The following PDE4D variants were observed in gnomAD, a reference collection of about 807,000 sequenced individuals.
PDE4D encodes phosphodiesterase 4D.
A neutral mutation model predicts 87.4 loss-of-function variants in PDE4D; 24 were observed. The observed-to-expected ratio is 0.27, with a 90% CI of 0.20 to 0.39. PDE4D has a LOEUF of 0.39. Among genes scored for constraint, PDE4D ranks in the 10% least tolerant of loss-of-function variants. PDE4D has a pLI of 1.00. For missense variants in PDE4D, 714 were observed against 1,041.0 expected (o/e 0.69, Z 4.32); for synonymous variants, 384 against 383.2 (o/e 1.00, Z -0.02).
intron 1 of PDE4D, among the ~76,000 whole-genome samples, chr5:60,506,279 A>G (rs986230434): frequency 1.3e-5 from 2 of 152,254 alleles, no homozygotes; most frequent in African/African-American, 4.8e-5. Context: ...GCATACATGC[A>G]CACGTGAATA....
intron 5 of PDE4D, among the ~76,000 whole-genome samples, chr5:59,168,958 A>G (rs1371450166): frequency 2.0e-5 from 3 of 152,220 alleles, no homozygotes; most frequent in Non-Finnish European, 4.4e-5. Flanking sequence ...AAGGTTTAAA[A>G]AGATTACTCA....
At chr5:59,878,931 C>G (rs10066777) in intron 1 of PDE4D, among the ~76,000 whole-genome samples, 24,409 of 120,502 alleles carry the variant, frequency 0.2, 4,131 homozygotes, top group African/African-American at 0.48. Flanking sequence ...CAGAGTCTCG[C>G]TCTGTCGCCC....
chr5:59,865,491 T>C (rs1746881888), intron 1 of PDE4D, among the ~76,000 whole-genome samples: 3 of 152,194 alleles, frequency 2.0e-5, no homozygotes, highest in African/African-American at 7.2e-5. Context: ...CAGCCTTTTG[T>C]AGAGCCAAGA....
chr5:59,768,937 G>A (rs1403360791), intron 1 of PDE4D, among the ~76,000 whole-genome samples: 6 of 152,156 alleles, frequency 3.9e-5, no homozygotes, highest in East Asian at 1.9e-4. Flanking sequence ...GGGTTGTTTG[G>A]CTAGTCTTTC....
At chr5:60,410,655 A>G (rs1741969389) in intron 1 of PDE4D, among the ~76,000 whole-genome samples, 1 of 152,218 alleles carries the variant, frequency 6.6e-6, no homozygotes, top group East Asian at 1.9e-4. Context: ...CAGCAACCAC[A>G]CAAAGCAGAC....
intron 1 of PDE4D, among the ~76,000 whole-genome samples, chr5:59,285,164 T>C (rs181523205): frequency 0.082 from 11,520 of 140,074 alleles, 606 homozygotes; most frequent in Middle Eastern, 0.12. Flanking sequence ...TATACATATG[T>C]AACTAACCTG....
At chr5:59,371,736 A>C (rs1378317172) in intron 1 of PDE4D, among the ~76,000 whole-genome samples, 1 of 152,244 alleles carries the variant, frequency 6.6e-6, no homozygotes, top group Non-Finnish European at 1.5e-5. Context: ...GTATGAATAT[A>C]CTATAGGTTA....
intron 1 of PDE4D, among the ~76,000 whole-genome samples, chr5:59,883,292 C>G (rs1229754512): frequency 6.6e-6 from 1 of 152,170 alleles, no homozygotes; most frequent in East Asian, 1.9e-4. Context: ...CATACAGCAT[C>G]CAAATCAAAT....
rs71604798 is a variant in PDE4D, at chr5:59,702,869, CAAAAA to C, written c.455+190294_455+190298del. Reference sequence around the variant, plus strand: ...TGGGCAACAGAGTGAGACCCTGTCTCAAAAAAAAAAAAAAAAAAAAAAATTAGACC... The same window carrying C: ...TGGGCAACAGAGTGAGACCCTGTCTCAAAAAAAAAAAAAAAAAATTAGACC... On this transcript the variant is annotated intron_variant, in intron 1 of 14. Coordinates refer to ENST00000340635, the MANE Select transcript of PDE4D (RefSeq NM_001104631.2). Among the ~76,000 whole-genome samples, 326 of 69,822 alleles carry C rather than the reference CAAAAA, an allele frequency of 4.7e-3. 3 individuals carry two copies. Among genetic ancestry groups the C allele is most frequent in the African/African-American group, 0.017 (283 of 16,394 alleles). 45.8% of individuals were successfully genotyped at this position (69,822 alleles called of 152,430 possible). A position where few individuals can be genotyped will look rare whatever the true frequency, so the allele number is the denominator to read the frequency against.
intron 5 of PDE4D, among the ~76,000 whole-genome samples, chr5:59,140,488 T>G (rs1322719773): frequency 6.6e-6 from 1 of 152,196 alleles, no homozygotes; most frequent in African/African-American, 2.4e-5. Flanking sequence ...AATGCCTCTT[T>G]GGGTTGGAAA....
At chr5:60,238,774 A>C (rs1201612099) in intron 1 of PDE4D, among the ~76,000 whole-genome samples, 1 of 151,990 alleles carries the variant, frequency 6.6e-6, no homozygotes, top group African/African-American at 2.4e-5. Context: ...TATACTATAA[A>C]TATCTCCTAT....
intron 1 of PDE4D, among the ~76,000 whole-genome samples, chr5:59,891,500 A>ACATC (rs1385397871): frequency 6.6e-6 from 1 of 152,226 alleles, no homozygotes; most frequent in Non-Finnish European, 1.5e-5. Flanking sequence ...AGAGAGAAGG[A>ACATC]CATCCACCTC....
chr5:59,211,915 G>C (rs1033777281), intron 2 of PDE4D, among the ~76,000 whole-genome samples: 1 of 151,984 alleles, frequency 6.6e-6, no homozygotes, highest in Admixed American at 6.6e-5. Context: ...AACTTAAAGA[G>C]TATTTAAAGG....
intron 1 of PDE4D, among the ~76,000 whole-genome samples, chr5:59,790,800 G>A (rs891739929): frequency 6.6e-6 from 1 of 152,142 alleles, no homozygotes; most frequent in African/African-American, 2.4e-5. Context: ...ACCCTAATAT[G>A]AAAATGTGTT....
intron 3 of PDE4D, among the ~76,000 whole-genome samples, chr5:59,947,679 C>A (rs191244126): frequency 6.6e-6 from 1 of 152,138 alleles, no homozygotes; most frequent in African/African-American, 2.4e-5. Flanking sequence ...TAAGAGGAAG[C>A]TTGTTTAGGC....
intron 1 of PDE4D, among the ~76,000 whole-genome samples, chr5:59,459,505 G>A (rs1800431584): frequency 1.3e-5 from 2 of 152,166 alleles, no homozygotes; most frequent in African/African-American, 4.8e-5. Context: ...GCTGGGGCCA[G>A]GTATCAGTAT....
chr5:59,007,577 ACTTT>A (rs1224699972), intron 6 of PDE4D, among the ~76,000 whole-genome samples: 1 of 152,126 alleles, frequency 6.6e-6, no homozygotes, highest in Non-Finnish European at 1.5e-5. Context: ...TAAAAACTAT[ACTTT>A]CTTTGATTAA....
At chr5:59,747,675 C>T (rs1038851694) in intron 1 of PDE4D, among the ~76,000 whole-genome samples, 2 of 152,176 alleles carry the variant, frequency 1.3e-5, no homozygotes, top group African/African-American at 4.8e-5. Flanking sequence ...TTAAGAGACA[C>T]TTTTCATACA....
At chr5:59,745,773 T>A (rs769137409) in intron 1 of PDE4D, among the ~76,000 whole-genome samples, 1 of 151,604 alleles carries the variant, frequency 6.6e-6, no homozygotes, top group Non-Finnish European at 1.5e-5. Context: ...AAGAAAAAAA[T>A]GTTTGCACAT....
Sources: gnomAD v4.1 joint callset for allele counts (sites outside exome capture counted in the v4.1 genomes callset) on GRCh38, gnomAD v4.1.1 for gene constraint, MANE v1.5 for transcripts, NCBI Gene and HGNC (gene_info 2026-07-23, HGNC 2026-07-21) for gene names.